The following SLC24A4 variants were observed in gnomAD, a reference collection of about 807,000 sequenced individuals.
SLC24A4 encodes the protein sodium/potassium/calcium exchanger 4.
A neutral mutation model predicts 79.0 loss-of-function variants in SLC24A4; 53 were observed. That is an observed-to-expected ratio of 0.67 (90% CI 0.54 to 0.84). The LOEUF (loss-of-function observed/expected upper bound fraction) is 0.84. Among genes scored for constraint, SLC24A4 ranks in the 40% least tolerant of loss-of-function variants. SLC24A4 has a pLI of 0.00. For missense variants in SLC24A4, 731 were observed against 822.0 expected, an observed-to-expected ratio of 0.89 and a Z score of 1.35; for synonymous variants, 323 against 323.8, an observed-to-expected ratio of 1.00 and a Z score of 0.03.
At chr14:92,364,124 C>G (rs1426332749) in intron 2 of SLC24A4, among the ~76,000 whole-genome samples, 3 of 152,198 alleles carry the variant, frequency 2.0e-5, no homozygotes, top group African/African-American at 7.2e-5. Context: ...TTCTGTTTTT[C>G]TACTACTGCT....
intron 13 of SLC24A4, chr14:92,483,671 T>C (rs1895194921): frequency 8.2e-7 from 1 of 1,223,806 alleles, no homozygotes; most frequent in Non-Finnish European, 1.1e-6. Flanking sequence ...AGGAGCCTCC[T>C]TCCCCACTCT....
chr14:92,359,902 A>C (rs117800998), intron 2 of SLC24A4, among the ~76,000 whole-genome samples: 7,680 of 152,300 alleles, frequency 0.05, 252 homozygotes, highest in Middle Eastern at 0.11. Flanking sequence ...ATAGTAACAC[A>C]CACACACTTA....
chr14:92,482,385 C>T (rs1895111629), intron 12 of SLC24A4, among the ~76,000 whole-genome samples: 1 of 152,244 alleles, frequency 6.6e-6, no homozygotes, highest in Admixed American at 6.5e-5. Context: ...CTCACATCCC[C>T]ATTCCAGCTC....
chr14:92,407,359 TG>T (rs1274343973), intron 2 of SLC24A4, among the ~76,000 whole-genome samples: 1 of 152,220 alleles, frequency 6.6e-6, no homozygotes, highest in Non-Finnish European at 1.5e-5. Flanking sequence ...CCCTCCAAAC[TG>T]TTCCAACGTC....
intron 2 of SLC24A4, among the ~76,000 whole-genome samples, chr14:92,401,324 A>G (rs1167272224): frequency 1.3e-5 from 2 of 152,194 alleles, no homozygotes; most frequent in African/African-American, 4.8e-5. Context: ...TGCTGTTCAA[A>G]CCATAGACAT....
chr14:92,376,329 C>G (rs1287144933), intron 2 of SLC24A4, among the ~76,000 whole-genome samples: 2 of 152,232 alleles, frequency 1.3e-5, no homozygotes, highest in African/African-American at 2.4e-5. Context: ...TGGGTCAACT[C>G]TAGTAGCCTC....
At chr14:92,415,813 T>C (rs1890952426) in intron 2 of SLC24A4, among the ~76,000 whole-genome samples, 1 of 152,120 alleles carries the variant, frequency 6.6e-6, no homozygotes, top group South Asian at 2.1e-4. Flanking sequence ...CAGGTGGTAT[T>C]TGGTTATGCA....
chr14:92,372,867 CCCTTCCTTCCTTCCTTCCTTCCTTCCTT>C, intron 2 of SLC24A4, among the ~76,000 whole-genome samples: 2 of 109,896 alleles, frequency 1.8e-5, no homozygotes, highest in East Asian at 2.8e-4. Flanking sequence ...GGGTCACTGT[CCCTTCCTTCCTTCCTTCCTTCCTTCCTT>C]CCTTCCTTCC....
intron 2 of SLC24A4, among the ~76,000 whole-genome samples, chr14:92,326,226 T>TTTTAAAAAA (rs1237212316): frequency 6.6e-6 from 1 of 152,168 alleles, no homozygotes; most frequent in Admixed American, 6.5e-5. Context: ...TGTTACTTTT[T>TTTTAAAAAA]GTTCTCACAA....
intron 12 of SLC24A4, among the ~76,000 whole-genome samples, chr14:92,457,086 A>G (rs1893518832): frequency 6.6e-6 from 1 of 152,200 alleles, no homozygotes; most frequent in Admixed American, 6.5e-5. Flanking sequence ...GTGTTTGAAG[A>G]TATCTCCTAC....
intron 6 of SLC24A4, 96 bp from the exon 7 acceptor site, chr14:92,443,304 G>A: frequency 8.8e-7 from 1 of 1,133,596 alleles, no homozygotes; most frequent in Non-Finnish European, 1.3e-6. Context: ...GAGCTCTGTG[G>A]GCATGCCCTG....
At chr14:92,384,085 G>A (rs1294161208) in intron 2 of SLC24A4, among the ~76,000 whole-genome samples, 1 of 152,194 alleles carries the variant, frequency 6.6e-6, no homozygotes, top group Non-Finnish European at 1.5e-5. Flanking sequence ...CTTGGGCATT[G>A]TGAATATTTC....
At chr14:92,408,690 GAT>G in intron 2 of SLC24A4, among the ~76,000 whole-genome samples, 1 of 152,290 alleles carries the variant, frequency 6.6e-6, no homozygotes, top group East Asian at 1.9e-4. Context: ...GATTAAATAA[GAT>G]AATGACTTAC....
intron 8 of SLC24A4, 117 bp from the exon 9 acceptor site, chr14:92,447,254 A>C (rs1422805749): frequency 2.0e-5 from 17 of 861,888 alleles, no homozygotes; most frequent in Non-Finnish European, 2.5e-5. Flanking sequence ...TGGGCCCGGC[A>C]CTAGGGGCGG....
At chr14:92,462,057 C>A (rs905423735) in intron 12 of SLC24A4, 1 of 152,238 alleles carries the variant, frequency 6.6e-6, no homozygotes, top group African/African-American at 2.4e-5. Flanking sequence ...GAGGCGGAAA[C>A]AGGCTCAGAG....
intron 2 of SLC24A4, among the ~76,000 whole-genome samples, chr14:92,388,359 G>A (rs1393385184): frequency 6.6e-6 from 1 of 152,220 alleles, no homozygotes; most frequent in East Asian, 1.9e-4. Context: ...CTCAGGGTGG[G>A]TCTTCCCCAG....
intron 2 of SLC24A4, among the ~76,000 whole-genome samples, chr14:92,407,150 G>A (rs1890433329): frequency 6.6e-6 from 1 of 152,144 alleles, no homozygotes; most frequent in Non-Finnish European, 1.5e-5. Flanking sequence ...TAGAGTAAGG[G>A]CAAAATGCTG....
At chr14:92,395,420 A>G (rs1159993953) in intron 2 of SLC24A4, among the ~76,000 whole-genome samples, 1 of 131,638 alleles carries the variant, frequency 7.6e-6, no homozygotes, top group Non-Finnish European at 1.6e-5. Context: ...GATTCAAAAC[A>G]AAACAAAACA....
intron 2 of SLC24A4, among the ~76,000 whole-genome samples, chr14:92,412,192 A>T (rs1356204583): frequency 6.6e-6 from 1 of 152,116 alleles, no homozygotes; most frequent in Non-Finnish European, 1.5e-5. Context: ...AATTCCTGGG[A>T]TTGACTCACA....
Sources: allele counts gnomAD v4.1 joint callset (sites outside exome capture counted in the v4.1 genomes callset), GRCh38; gene constraint gnomAD v4.1.1; transcripts MANE v1.5; gene names NCBI Gene and HGNC (gene_info 2026-07-23, HGNC 2026-07-21).